Variants in B4GALNT2 observed in about 807,000 individuals in gnomAD.
The protein encoded by B4GALNT2 is beta-1,4-N-acetyl-galactosaminyltransferase 2 (SID blood group).
In B4GALNT2, 42 loss-of-function variants were observed where a neutral mutation model predicts 51.1. That is an observed-to-expected ratio of 0.82 (90% CI 0.64 to 1.06). The LOEUF (loss-of-function observed/expected upper bound fraction) is 1.06. B4GALNT2 is among the 50% of genes least tolerant of loss of function. The pLI is 0.00. For missense variants in B4GALNT2, 602 were observed against 633.6 expected (o/e 0.95, Z 0.54); for synonymous variants, 253 against 251.7 (o/e 1.01, Z -0.05).
chr17:49,147,021 T>A (rs2144295139), intron 3 of B4GALNT2, among the ~76,000 whole-genome samples: 1 of 152,360 alleles, frequency 6.6e-6, no homozygotes, highest in African/African-American at 2.4e-5. Context: ...TAATTTACAT[T>A]CTTCGTTACA....
rs2042969148 is a variant in B4GALNT2, at chr17:49,173,319, T to G, written c.*3591T>G. 6.6e-6 allele frequency: 1 copy of G among 152,250 alleles called. No individual in the cohort carries two copies. Among genetic ancestry groups the G allele is most frequent in the Admixed American group, 6.5e-5 (1 of 15,284 alleles). 9.4% of individuals were successfully genotyped at this position (152,250 alleles called of 1,614,324 possible). A position where few individuals can be genotyped will look rare whatever the true frequency, so the allele number is the denominator to read the frequency against. ...TCAGAAATCACATTGATAGGCCTAT[T>G]AAAAGCAGTCAATACCTCAATTACA... On this transcript the variant is annotated 3_prime_UTR_variant, in exon 11 of 11. Transcript: ENST00000393354.
At chr17:49,148,075 G>T (rs2144297723) in intron 3 of B4GALNT2, among the ~76,000 whole-genome samples, 1 of 152,032 alleles carries the variant, frequency 6.6e-6, no homozygotes, top group South Asian at 2.1e-4. Flanking sequence ...GGAGGCTGAG[G>T]CAGGTGGATC....
chr17:49,170,634 G>T lies in B4GALNT2; in HGVS notation c.*906G>T, dbSNP rs1331554517. On this transcript the variant is annotated 3_prime_UTR_variant, in exon 11 of 11. Transcript: ENST00000393354. ...GATAAGCCTCTTTCTGTTGCCTGGG[G>T]GTTGGCAGATTGCCGAGACCAGCTT... The T allele has an allele frequency of 6.6e-6, 1 of 152,292 alleles. No individual in the cohort carries two copies. The highest frequency in any genetic ancestry group is 2.4e-5 in the African/African-American group (1 of 41,458). The allele number at this position is 152,292 out of a possible 1,614,324, so 9.4% of individuals were successfully genotyped here. A position where few individuals can be genotyped will look rare whatever the true frequency, so the allele number is the denominator to read the frequency against.
rs905298561 is a variant in B4GALNT2, at chr17:49,169,828, C to T, written c.*100C>T. 1.6e-5 allele frequency: 19 copies of T among 1,176,694 alleles called. No homozygotes were observed. The Admixed American group carries it at 5.8e-4, about 36-fold the overall frequency. The allele number at this position is 1,176,694 out of a possible 1,614,324, so 72.9% of individuals were successfully genotyped here. A position where few individuals can be genotyped will look rare whatever the true frequency, so the allele number is the denominator to read the frequency against. On this transcript the variant is annotated 3_prime_UTR_variant, in exon 11 of 11. Coordinates refer to ENST00000393354, the MANE Select transcript of B4GALNT2 (RefSeq NM_001159387.2). ...CTGATAGGTGAACGTTGTACCAAAC[C>T]AGCTGGTGGGTAGGGAAAAGGGAAA...
chr17:49,142,259 G>C (rs954216628), intron 3 of B4GALNT2, 87 bp downstream of exon 3: 2 of 1,530,202 alleles, frequency 1.3e-6, no homozygotes, highest in Non-Finnish European at 8.9e-7. Context: ...AAGAGAAAAA[G>C]CAGGAAGGAA....
At chr17:49,140,855 A>G (rs1439831327) in intron 1 of B4GALNT2, among the ~76,000 whole-genome samples, 1 of 151,382 alleles carries the variant, frequency 6.6e-6, no homozygotes, top group African/African-American at 2.4e-5. Context: ...AGTAGCTGGC[A>G]CTACAGGCAC....
Position 49,142,100 on chromosome 17 carries a change from A to C in B4GALNT2, c.281A>C (p.Asp94Ala). ...GAGCAGGGAGGTTACAACTTTCAGG[A>C]TGCCTATGGCCAGAGCGACCTCCCA... ...NKEQGGYNFQ[D>A]AYGQSDLPAV... is the part of the protein sequence containing the mutation. The change falls in exon 3 of 11, where the codon GAT (aspartate) becomes GCT (alanine). Residue 94 changes from aspartate to alanine, a missense_variant. Asp to Ala is a moderately radical substitution (Grantham distance 126, BLOSUM62 -2). Transcript: ENST00000393354. 6.2e-7 allele frequency: 1 copy of C among 1,614,168 alleles called. No individual in the cohort carries two copies. Among genetic ancestry groups the C allele is most frequent in the Non-Finnish European group, 8.5e-7 (1 of 1,180,018 alleles).
chr17:49,150,307 GC>G (rs376340132), intron 3 of B4GALNT2, among the ~76,000 whole-genome samples: 118,993 of 126,674 alleles, frequency 0.94, 55,664 homozygotes, highest in South Asian at 0.96. Context: ...GGGGGGGTCA[GC>G]CCCCCCCGCC....
chr17:49,167,559 G>A (rs114823532), intron 9 of B4GALNT2, among the ~76,000 whole-genome samples: 14,564 of 150,798 alleles, frequency 0.097, 854 homozygotes, highest in South Asian at 0.18. Flanking sequence ...CCCATTACCT[G>A]CATAACGAAC....
At chr17:49,156,676 C>G (rs960967774) in intron 5 of B4GALNT2, 73 bp downstream of exon 5, 3 of 1,521,816 alleles carry the variant, frequency 2.0e-6, no homozygotes, top group Middle Eastern at 1.7e-4. Context: ...CTGCTCTCAG[C>G]CTTTGACGGA....
chr17:49,167,971 C>T (rs746622305), intron 9 of B4GALNT2, among the ~76,000 whole-genome samples: 23 of 152,104 alleles, frequency 1.5e-4, no homozygotes, highest in Non-Finnish European at 2.9e-4. Flanking sequence ...TATTCCACAC[C>T]GTATGCCTGC....
chr17:49,134,571 C>A (rs1263395126), intron 1 of B4GALNT2, among the ~76,000 whole-genome samples: 2 of 151,862 alleles, frequency 1.3e-5, no homozygotes, highest in African/African-American at 4.8e-5. Flanking sequence ...CGCCACCATG[C>A]CCAACTAATT....
intron 3 of B4GALNT2, chr17:49,148,648 A>G: frequency 1.8e-6 from 1 of 560,970 alleles, no homozygotes; most frequent in Non-Finnish European, 3.3e-6. Flanking sequence ...AAGCCTCCGG[A>G]CTTGAGAGAC....
At chr17:49,134,960 T>C (rs2042577204) in intron 1 of B4GALNT2, among the ~76,000 whole-genome samples, 2 of 152,226 alleles carry the variant, frequency 1.3e-5, no homozygotes, top group Non-Finnish European at 2.9e-5. Flanking sequence ...ATTTCTGCTA[T>C]CTAGCTGAAA....
chr17:49,144,252 A>G (rs1445478736), intron 3 of B4GALNT2, among the ~76,000 whole-genome samples: 1 of 152,180 alleles, frequency 6.6e-6, no homozygotes, highest in African/African-American at 2.4e-5. Context: ...ACCTCCAAAC[A>G]ACATATGAAT....
At chr17:49,169,383 G>C (rs2042940316) in intron 10 of B4GALNT2, 140 bp from the exon 11 acceptor site, 2 of 729,726 alleles carry the variant, frequency 2.7e-6, no homozygotes, top group Non-Finnish European at 4.7e-6. Flanking sequence ...TAGAGTTAAG[G>C]GTGTGGCTTC....
In B4GALNT2 at chr17:49,173,684, T is replaced by C. The variant is rs547954781; in HGVS notation, c.*3956T>C. 5.9e-5 allele frequency: 9 copies of C among 152,310 alleles called. No individual in the cohort carries two copies. Among genetic ancestry groups the C allele is most frequent in the East Asian group, 5.8e-4 (3 of 5,190 alleles). 9.4% of individuals were successfully genotyped at this position (152,310 alleles called of 1,614,324 possible). A position where few individuals can be genotyped will look rare whatever the true frequency, so the allele number is the denominator to read the frequency against. Reference sequence around the variant, plus strand: ...CCATGTAATTTAACAATCTGAGTTCTCCCATTTCCTATCATAGTAGCGATT... The same window carrying C: ...CCATGTAATTTAACAATCTGAGTTCCCCCATTTCCTATCATAGTAGCGATT... On this transcript the variant is annotated 3_prime_UTR_variant, in exon 11 of 11. Transcript: ENST00000393354.
At chr17:49,145,093 G>A (rs1253683382) in intron 3 of B4GALNT2, among the ~76,000 whole-genome samples, 2 of 151,994 alleles carry the variant, frequency 1.3e-5, no homozygotes, top group African/African-American at 4.8e-5. Flanking sequence ...GTCTCCTTTG[G>A]CAACACCCTC....
Position 49,169,519 on chromosome 17 carries a change from G to T in B4GALNT2, c.1316-4G>T. ...ACTTCCTTCTGCTCTCCCTCTCTTT[G>T]CAGAATTCTTCATTGATGGGCTAGG... On this transcript the variant is annotated splice_region_variant and splice_polypyrimidine_tract_variant and intron_variant, in intron 10 of 10. Coordinates refer to ENST00000393354, the MANE Select transcript of B4GALNT2 (RefSeq NM_001159387.2). 1 of 1,609,980 alleles carries T rather than the reference G, an allele frequency of 6.2e-7. No homozygotes were observed. The highest frequency in any genetic ancestry group is 8.5e-7 in the Non-Finnish European group (1 of 1,179,774).
Sources: allele counts gnomAD v4.1 joint callset (sites outside exome capture counted in the v4.1 genomes callset), GRCh38; gene constraint gnomAD v4.1.1; transcripts MANE v1.5; gene names NCBI Gene and HGNC (gene_info 2026-07-23, HGNC 2026-07-21).